The following MMP8 variants were observed in gnomAD, a reference collection of about 807,000 sequenced individuals.
The protein encoded by MMP8 is matrix metallopeptidase 8, also known as neutrophil collagenase.
Under a neutral mutation model 51.2 loss-of-function variants are expected in MMP8, and 67 were observed. The observed-to-expected ratio is 1.31, with a 90% confidence interval of 1.08 to 1.60. The LOEUF is 1.60. Among genes scored for constraint, MMP8 ranks in the 40% most tolerant of loss-of-function variants. The probability of loss-of-function intolerance (pLI) is 0.00; values close to 1 mark genes in which losing one functional copy is unlikely to be tolerated. For synonymous variants in MMP8, 225 were observed against 191.0 expected (o/e 1.18, Z -1.47); for missense variants, 654 against 558.1 (o/e 1.17, Z -1.73).
In MMP8 at chr11:102,724,910, G is replaced by A. The variant is rs560925076; in HGVS notation, c.-55C>T. On this transcript the variant is annotated 5_prime_UTR_variant, in exon 1 of 10. Transcript: ENST00000236826. ...GCTTTCTTTCTGTCCCTCTGGGTAG[G>A]GCCCTTCCCTGGCGAGCACCCTGAC... 3.8e-6 allele frequency: 6 copies of A among 1,558,868 alleles called. No individual in the cohort carries two copies. Among genetic ancestry groups the A allele is most frequent in the African/African-American group, 1.4e-5 (1 of 73,520 alleles).
At chr11:102,722,905 G>T in intron 1 of MMP8, 1 of 1,051,982 alleles carries the variant, frequency 9.5e-7, no homozygotes, top group Non-Finnish European at 1.3e-6. Flanking sequence ...TGTCTCATAA[G>T]GGATGAGGAT....
chr11:102,718,139 G>A (rs1266401858), intron 5 of MMP8, among the ~76,000 whole-genome samples: 1 of 151,902 alleles, frequency 6.6e-6, no homozygotes, highest in East Asian at 1.9e-4. Context: ...TTGGAAATTT[G>A]GAAAGCCTAA....
intron 1 of MMP8, chr11:102,723,437 A>G (rs1196956771): frequency 2.3e-6 from 1 of 433,432 alleles, no homozygotes; most frequent in African/African-American, 2.0e-5. Flanking sequence ...AGAATATCTG[A>G]AGCTGGGTAA....
In MMP8 at chr11:102,721,840, T is replaced by G. The variant is rs1034968305; in HGVS notation, c.348-78A>C. On this transcript the variant is annotated intron_variant, in intron 2 of 9. Coordinates refer to ENST00000236826, the MANE Select transcript of MMP8 (RefSeq NM_002424.3). ...CATCAACTGATGAGTTGTTCTGTTT[T>G]GAAGTGAGTTGCATCATGGTGTGCT... is the stretch of plus-strand genomic sequence containing the variant. The G allele has an allele frequency of 9.3e-6, 14 of 1,509,402 alleles. No individual in the cohort carries two copies. In the African/African-American group the frequency reaches 1.9e-4, roughly 21 times the overall value. The allele number at this position is 1,509,402 out of a possible 1,614,324, so 93.5% of individuals were successfully genotyped here. A position where few individuals can be genotyped will look rare whatever the true frequency, so the allele number is the denominator to read the frequency against.
rs553259348 is a variant in MMP8, at chr11:102,712,929, T to C, written c.*419A>G. ...AGGCCAAGGGTACTGTCTAGGTTGT[T>C]TATAATCCTTACTTCTAACCAAAAT... On this transcript the variant is annotated 3_prime_UTR_variant, in exon 10 of 10. Transcript: ENST00000236826. 70 of 158,898 alleles carry C rather than the reference T, an allele frequency of 4.4e-4. No homozygotes were observed. Among genetic ancestry groups the C allele is most frequent in the Non-Finnish European group, 8.3e-4 (60 of 72,452 alleles). 9.8% of individuals were successfully genotyped at this position (158,898 alleles called of 1,614,324 possible). A position where few individuals can be genotyped will look rare whatever the true frequency, so the allele number is the denominator to read the frequency against.
Position 102,712,644 on chromosome 11 carries a change from CG to C in MMP8, c.*703del, listed in dbSNP as rs1861158393. ...TCCAATCTCTGCCTCTGTCTTCATA[CG>C]GCCTCCTCCCCTAGGTGACTATGCC... On this transcript the variant is annotated 3_prime_UTR_variant, in exon 10 of 10. Coordinates refer to ENST00000236826, the MANE Select transcript of MMP8 (RefSeq NM_002424.3). 1 of 152,174 alleles carries C rather than the reference CG, an allele frequency of 6.6e-6. No homozygotes were observed. Among genetic ancestry groups the C allele is most frequent in the Non-Finnish European group, 1.5e-5 (1 of 68,070 alleles). 9.4% of individuals were successfully genotyped at this position (152,174 alleles called of 1,614,324 possible).
At chr11:102,716,230 G>C in intron 6 of MMP8, 72 bp downstream of exon 6, 1 of 1,095,902 alleles carries the variant, frequency 9.1e-7, no homozygotes, top group Non-Finnish European at 1.3e-6. Context: ...ACTAACGTGT[G>C]ACTTAATTTG....
intron 4 of MMP8, among the ~76,000 whole-genome samples, chr11:102,719,629 A>G (rs1441523805): frequency 6.6e-6 from 1 of 152,222 alleles, no homozygotes; most frequent in Non-Finnish European, 1.5e-5. Context: ...CTTCCTGTTG[A>G]TAATTAGCCT....
At chr11:102,714,254 G>C (rs1591671284) in intron 8 of MMP8, among the ~76,000 whole-genome samples, 1 of 152,294 alleles carries the variant, frequency 6.6e-6, no homozygotes, top group East Asian at 1.9e-4. Flanking sequence ...TGTCTGAGTT[G>C]AACTCATAAG....
chr11:102,715,178 T>C (rs1194871446), intron 7 of MMP8, 126 bp downstream of exon 7: 1 of 1,206,490 alleles, frequency 8.3e-7, no homozygotes, highest in African/African-American at 1.5e-5. Flanking sequence ...ACCCTAGTCT[T>C]CTGGCAAAAG....
chr11:102,716,112 C>T (rs535780382), intron 6 of MMP8, among the ~76,000 whole-genome samples, 190 bp downstream of exon 6: 7 of 151,610 alleles, frequency 4.6e-5, no homozygotes, highest in South Asian at 4.2e-4. Flanking sequence ...CTTTAAAAGA[C>T]GAAGATGATA....
chr11:102,718,322 A>G, intron 5 of MMP8, 92 bp downstream of exon 5: 1 of 1,315,284 alleles, frequency 7.6e-7, no homozygotes, highest in South Asian at 1.4e-5. Context: ...TGGAAACTGC[A>G]GAAGTGCAAA....
rs745891491 is a variant in MMP8 at position 102,713,785 on chromosome 11, C to A, written c.1263G>T (p.Glu421Asp). 6.2e-7 allele frequency: 1 copy of A among 1,611,430 alleles called. No individual in the cohort carries two copies. The highest frequency in any genetic ancestry group is 8.5e-7 in the Non-Finnish European group (1 of 1,178,990). ...KSISGAFPGI[E>D]SKVDAVFQQE... ...GCTGGAAAACTGCATCAACTTTACT[C>A]TCTATTCCTGGAAAGGCACCTGATA... The change falls in exon 9 of 10, where the codon GAG becomes GAT. Residue 421 changes from glutamate to aspartate, a missense_variant. Glu to Asp is a conservative substitution (Grantham distance 45, BLOSUM62 2). Coordinates refer to ENST00000236826, the MANE Select transcript of MMP8 (RefSeq NM_002424.3).
In MMP8 at chr11:102,713,056, G is replaced by A. The variant is rs1032447955; in HGVS notation, c.*292C>T. Reference sequence around the variant, plus strand: ...AGTAATATAACAATAAATCCTAGAAGTCAGATATGTAAGTATTGAAATAGT... The same window carrying A: ...AGTAATATAACAATAAATCCTAGAAATCAGATATGTAAGTATTGAAATAGT... On this transcript the variant is annotated 3_prime_UTR_variant, in exon 10 of 10. Coordinates refer to ENST00000236826, the MANE Select transcript of MMP8 (RefSeq NM_002424.3). 37 of 254,412 alleles carry A rather than the reference G, an allele frequency of 1.5e-4. No individual in the cohort carries two copies. Among genetic ancestry groups the A allele is most frequent in the African/African-American group, 7.9e-4 (35 of 44,106 alleles). 15.8% of individuals were successfully genotyped at this position (254,412 alleles called of 1,614,324 possible).
intron 8 of MMP8, 100 bp from the exon 9 acceptor site, chr11:102,713,957 T>C (rs1473158129): frequency 1.4e-6 from 1 of 717,728 alleles, no homozygotes; most frequent in African/African-American, 1.8e-5. Context: ...CTCACACATA[T>C]TTTTTCATTC....
intron 1 of MMP8, chr11:102,723,121 A>C: frequency 8.8e-7 from 1 of 1,135,560 alleles, no homozygotes; most frequent in Non-Finnish European, 1.2e-6. Flanking sequence ...GAATTTTCCA[A>C]GTGATGATTC....
intron 8 of MMP8, 69 bp from the exon 9 acceptor site, chr11:102,713,926 G>T: frequency 9.1e-7 from 1 of 1,098,640 alleles, no homozygotes; most frequent in Non-Finnish European, 1.3e-6. Flanking sequence ...TTTTTTTATT[G>T]TATATAATTT....
At chr11:102,714,799 T>C in intron 7 of MMP8, 90 bp from the exon 8 acceptor site, 1 of 207,376 alleles carries the variant, frequency 4.8e-6, no homozygotes, top group African/African-American at 3.1e-5. Flanking sequence ...TATATATATA[T>C]ATATATACCA....
At chr11:102,724,540 C>G (rs1046994091) in intron 1 of MMP8, among the ~76,000 whole-genome samples, 1 of 152,176 alleles carries the variant, frequency 6.6e-6, no homozygotes, top group Non-Finnish European at 1.5e-5. Context: ...TTTTCCCAGC[C>G]TTTAAAGAAT....
Sources: allele counts gnomAD v4.1 joint callset (sites outside exome capture counted in the v4.1 genomes callset), GRCh38; gene constraint gnomAD v4.1.1; transcripts MANE v1.5; gene names NCBI Gene and HGNC (gene_info 2026-07-23, HGNC 2026-07-21).